The following EAF2 variants were observed in gnomAD, a reference collection of about 807,000 sequenced individuals.
The protein encoded by EAF2 is ELL associated factor 2.
Under a neutral mutation model 29.4 loss-of-function variants are expected in EAF2, and 29 were observed. That is an observed-to-expected ratio of 0.99 (90% CI 0.73 to 1.35). The LOEUF (loss-of-function observed/expected upper bound fraction) is 1.35, where lower values mean the gene tolerates loss of function less well. Among genes scored for constraint, EAF2 ranks in the 40% most tolerant of loss-of-function variants. The pLI, the probability that EAF2 is intolerant of heterozygous loss-of-function variation, is 0.00. For synonymous variants in EAF2, 103 were observed against 102.5 expected, an observed-to-expected ratio of 1.00 and a Z score of -0.03; for missense variants, 292 against 312.0, an observed-to-expected ratio of 0.94 and a Z score of 0.48.
In EAF2 at chr3:121,872,668, A is replaced by G. The variant is rs1709034700; in HGVS notation, c.616A>G (p.Thr206Ala). Residue 206 changes from threonine (T) to alanine (A), a missense_variant, in exon 5 of 6, where the codon ACT becomes GCT. By Grantham distance (58) the Thr-to-Ala change is moderately conservative. Transcript: ENST00000273668. ...AGAAGATGAAGATTGCAAATCCTCT[A>G]CTTCTGATACAGGGAATTGTGTCTC... ...DSEDEDCKSS[T>A]SDTGNCVSGH... The G allele has an allele frequency of 1.2e-6, 2 of 1,612,880 alleles. No homozygotes were observed. Among genetic ancestry groups the G allele is most frequent in the Admixed American group, 1.7e-5 (1 of 59,934 alleles).
At chr3:121,845,158 G>A (rs9868875) in intron 2 of EAF2, among the ~76,000 whole-genome samples, 12,765 of 152,156 alleles carry the variant, frequency 0.084, 699 homozygotes, top group Middle Eastern at 0.13. Context: ...ATGAAAAATG[G>A]GATGGGCGCG....
intron 1 of EAF2, among the ~76,000 whole-genome samples, chr3:121,839,367 G>A (rs1047840442): frequency 1.1e-4 from 17 of 152,150 alleles, no homozygotes; most frequent in African/African-American, 3.9e-4. Flanking sequence ...TTGACTGCCT[G>A]GGTTACCCTG....
In EAF2 at chr3:121,835,229, GA is replaced by G; in HGVS notation, c.-56del. On this transcript the variant is annotated 5_prime_UTR_variant, in exon 1 of 6. Coordinates refer to ENST00000273668, the MANE Select transcript of EAF2 (RefSeq NM_018456.6). Reference sequence around the variant, plus strand: ...GGATCAAGTGCAGCTGCTTCAGGCTGAGGTGGCAGATAGTGAGCGCTGGTGG... The same window carrying G: ...GGATCAAGTGCAGCTGCTTCAGGCTGGGTGGCAGATAGTGAGCGCTGGTGG... 1 of 1,537,550 alleles carries G rather than the reference GA, an allele frequency of 6.5e-7. No homozygotes were observed. The highest frequency in any genetic ancestry group is 1.7e-5 in the Admixed American group (1 of 59,796).
intron 2 of EAF2, among the ~76,000 whole-genome samples, chr3:121,846,663 A>G (rs1708535368): frequency 6.6e-6 from 1 of 152,178 alleles, no homozygotes; most frequent in Non-Finnish European, 1.5e-5. Context: ...CTATTGTCTC[A>G]GGCTATACAG....
chr3:121,871,733 T>C (rs1037057900), intron 4 of EAF2, among the ~76,000 whole-genome samples: 1 of 152,014 alleles, frequency 6.6e-6, no homozygotes, highest in Admixed American at 6.6e-5. Context: ...ATTATTCACT[T>C]AGCATTTTTT....
chr3:121,872,103 T>C (rs1394631703), intron 4 of EAF2, among the ~76,000 whole-genome samples: 3 of 151,894 alleles, frequency 2.0e-5, no homozygotes, highest in Admixed American at 2.0e-4. Flanking sequence ...TATAGATGCT[T>C]CATCAAAATG....
chr3:121,847,512 G>T (rs1708549542), intron 2 of EAF2, among the ~76,000 whole-genome samples: 2 of 152,178 alleles, frequency 1.3e-5, no homozygotes. Context: ...ATATAGGCTA[G>T]GTCAAAAGGC....
At chr3:121,851,105 A>G (rs1289774893) in intron 2 of EAF2, among the ~76,000 whole-genome samples, 3 of 151,834 alleles carry the variant, frequency 2.0e-5, no homozygotes, top group Non-Finnish European at 4.4e-5. Flanking sequence ...CCCTATGTTG[A>G]GGTGTTGGTT....
intron 2 of EAF2, among the ~76,000 whole-genome samples, chr3:121,849,952 A>G (rs1708598245): frequency 8.0e-6 from 1 of 125,644 alleles, no homozygotes; most frequent in East Asian, 2.2e-4. Flanking sequence ...ATATATATAT[A>G]TATCAACCTT....
chr3:121,850,487 C>G (rs1708611997), intron 2 of EAF2, among the ~76,000 whole-genome samples: 1 of 151,738 alleles, frequency 6.6e-6, no homozygotes, highest in Admixed American at 6.6e-5. Flanking sequence ...CATTATTTTC[C>G]TACCTCTATC....
At chr3:121,851,307 AGCTAGGACTACAAATGT>A (rs1708627879) in intron 2 of EAF2, among the ~76,000 whole-genome samples, 1 of 151,412 alleles carries the variant, frequency 6.6e-6, no homozygotes, top group South Asian at 2.1e-4. Context: ...CCTTCCAAGC[AGCTAGGACTACAAATGT>A]GCACCACCAT....
intron 5 of EAF2, among the ~76,000 whole-genome samples, chr3:121,877,686 A>T (rs1367854949): frequency 6.6e-6 from 1 of 152,014 alleles, no homozygotes; most frequent in Non-Finnish European, 1.5e-5. Flanking sequence ...AAGATAAAAA[A>T]TAATAAATAA....
At chr3:121,868,325 G>T (rs1427818853) in intron 4 of EAF2, among the ~76,000 whole-genome samples, 1 of 152,134 alleles carries the variant, frequency 6.6e-6, no homozygotes, top group Non-Finnish European at 1.5e-5. Context: ...TAGGCCAGGC[G>T]CAGTGGCTCA....
chr3:121,840,319 C>A (rs114087330), intron 1 of EAF2, among the ~76,000 whole-genome samples: 18,106 of 149,602 alleles, frequency 0.12, 1,214 homozygotes, highest in African/African-American at 0.17. Flanking sequence ...GGAGAAAGCC[C>A]GTTTCTACTA....
chr3:121,861,285 T>A (rs952029425), intron 4 of EAF2, among the ~76,000 whole-genome samples: 1 of 152,072 alleles, frequency 6.6e-6, no homozygotes, highest in African/African-American at 2.4e-5. Context: ...AAGTCTCCCA[T>A]TATTATTGTT....
At chr3:121,841,941 G>T (rs1457251047) in intron 1 of EAF2, among the ~76,000 whole-genome samples, 1 of 152,226 alleles carries the variant, frequency 6.6e-6, no homozygotes. Flanking sequence ...GGGAGGCGGA[G>T]GTTGCAGTGA....
At chr3:121,882,708 T>G (rs756366516) in intron 5 of EAF2, among the ~76,000 whole-genome samples, 2 of 151,516 alleles carry the variant, frequency 1.3e-5, no homozygotes, top group African/African-American at 2.4e-5. Flanking sequence ...TTGGAAAGAT[T>G]ACTAGATGCA....
rs780831957 is a variant in EAF2 at position 121,835,372 on chromosome 3, C to T, written c.87C>T (p.Cys29=). Residue 29 remains cysteine (C), a synonymous_variant, in exon 1 of 6, where the codon TGC becomes TGT. Transcript: ENST00000273668. ...AGAGTTTCGAGAAGCAGCCGCGCTG[C>T]GCCTTCCACACTGTGCGCTGTGAGT... is the stretch of plus-strand genomic sequence containing the variant. ...LGESFEKQPR[C]AFHTVRYDFK... The T allele has an allele frequency of 6.2e-7, 1 of 1,613,962 alleles. No individual in the cohort carries two copies. Among genetic ancestry groups the T allele is most frequent in the South Asian group, 1.1e-5 (1 of 91,074 alleles).
At chr3:121,869,015 A>G (rs544854483) in intron 4 of EAF2, among the ~76,000 whole-genome samples, 1 of 152,250 alleles carries the variant, frequency 6.6e-6, no homozygotes, top group Non-Finnish European at 1.5e-5. Context: ...AGTCATGCAG[A>G]CTATGTATCT....
Sources: allele counts gnomAD v4.1 joint callset (sites outside exome capture counted in the v4.1 genomes callset), GRCh38; gene constraint gnomAD v4.1.1; transcripts MANE v1.5; gene names NCBI Gene and HGNC (gene_info 2026-07-23, HGNC 2026-07-21).